SELENOF: variants seen among roughly 807,000 people sequenced by gnomAD.
SELENOF encodes the protein 15 kDa selenoprotein.
SELENOF carries 16 observed loss-of-function variants against 20.5 expected under a neutral mutation model. The observed-to-expected ratio is 0.78, with a 90% CI of 0.53 to 1.19. The LOEUF (loss-of-function observed/expected upper bound fraction) is 1.19, where lower values mean the gene tolerates loss of function less well. Ranked by LOEUF, SELENOF falls within the 50% of genes most tolerant of loss-of-function variation. SELENOF has a pLI of 0.00. For synonymous variants in SELENOF, 78 were observed against 74.5 expected, an observed-to-expected ratio of 1.05 and a Z score of -0.24; for missense variants, 215 against 194.2, an observed-to-expected ratio of 1.11 and a Z score of -0.64.
chr1:86,869,894 C>G (rs1474725198), intron 3 of SELENOF, among the ~76,000 whole-genome samples: 2 of 152,014 alleles, frequency 1.3e-5, no homozygotes, highest in Non-Finnish European at 2.9e-5. Flanking sequence ...CCTGCCTCAG[C>G]CTCCCAAGCA....
Position 86,863,148 on chromosome 1 carries a change from C to T in SELENOF, c.*326G>A, listed in dbSNP as rs183000555. ...GTAATCATCTGTCTTGTTAACCTCT[C>T]TAATTTAGAAATCTGTTGTTCGTAA... On this transcript the variant is annotated 3_prime_UTR_variant, in exon 5 of 5. Coordinates refer to ENST00000331835, the MANE Select transcript of SELENOF (RefSeq NM_004261.5). 7 of 214,118 alleles carry T rather than the reference C, an allele frequency of 3.3e-5. No individual in the cohort carries two copies. The East Asian group carries it at 9.4e-4, about 29-fold the overall frequency. The allele number at this position is 214,118 out of a possible 1,614,324, so 13.3% of individuals were successfully genotyped here.
rs1379888839 is a variant in SELENOF, at chr1:86,899,418, A to AC, written c.252+3862dup. On this transcript the variant is annotated intron_variant, in intron 2 of 4. Coordinates refer to ENST00000331835, the MANE Select transcript of SELENOF (RefSeq NM_004261.5). ...GGACGGCTGGCCGGGCAGGGGGCCG[A>AC]CCCCCCCCACCTCCCTCCCGGACGG... 2.7e-4 allele frequency among the ~76,000 whole-genome samples: 27 copies of AC among 101,548 alleles called. 2 individuals are homozygous for AC. Among genetic ancestry groups the AC allele is most frequent in the South Asian group, 8.9e-4 (3 of 3,372 alleles). The allele number at this position is 101,548 out of a possible 152,430, so 66.6% of individuals were successfully genotyped here.
Position 86,883,498 on chromosome 1 carries a change from CTAAA to C in SELENOF, c.253-2777_253-2774del, listed in dbSNP as rs759401674. On this transcript the variant is annotated intron_variant, in intron 2 of 4. Transcript: ENST00000331835. ...TACACTAGTGTATAGTGTACGTACA[CTAAA>C]TAGTGTATAGTGTACATACATAGTG... 6.6e-4 allele frequency among the ~76,000 whole-genome samples: 100 copies of C among 151,798 alleles called. No homozygotes were observed. In the South Asian group the frequency reaches 8.5e-3, roughly 13 times the overall value.
intron 1 of SELENOF, among the ~76,000 whole-genome samples, chr1:86,906,890 TG>T (rs1249308096): frequency 6.6e-6 from 1 of 152,222 alleles, no homozygotes; most frequent in East Asian, 1.9e-4. Flanking sequence ...CCATAGTTAC[TG>T]AAAGAGGCAA....
chr1:86,912,319 A>G (rs1210976760), intron 1 of SELENOF, among the ~76,000 whole-genome samples: 1 of 152,192 alleles, frequency 6.6e-6, no homozygotes, highest in African/African-American at 2.4e-5. Context: ...ATGACATCCA[A>G]ATTTCTAGTT....
intron 1 of SELENOF, among the ~76,000 whole-genome samples, chr1:86,908,880 A>G (rs1251056319): frequency 6.6e-6 from 1 of 152,276 alleles, no homozygotes; most frequent in African/African-American, 2.4e-5. Context: ...TTATTTAAGC[A>G]TACTCGATGT....
chr1:86,870,390 T>A (rs1658730390), intron 3 of SELENOF, among the ~76,000 whole-genome samples: 1 of 152,328 alleles, frequency 6.6e-6, no homozygotes, highest in South Asian at 2.1e-4. Flanking sequence ...TTCTGCAAAC[T>A]CCTGAATCCC....
At chr1:86,876,826 T>C (rs1658934677) in intron 3 of SELENOF, among the ~76,000 whole-genome samples, 1 of 152,212 alleles carries the variant, frequency 6.6e-6, no homozygotes, top group Non-Finnish European at 1.5e-5. Context: ...GTCACACAAG[T>C]GAAGACAGTT....
At chr1:86,912,572 T>C (rs1002158341) in intron 1 of SELENOF, among the ~76,000 whole-genome samples, 2 of 152,340 alleles carry the variant, frequency 1.3e-5, no homozygotes, top group Admixed American at 1.3e-4. Context: ...GGCAAGGCTT[T>C]AGAAGGCATT....
At chr1:86,880,616 T>C (rs763597963) in intron 3 of SELENOF, 46 bp downstream of exon 3, 1 of 1,070,990 alleles carries the variant, frequency 9.3e-7, no homozygotes, top group South Asian at 1.6e-5. Context: ...ACATAAAATG[T>C]TGATTTTAAA....
chr1:86,903,539 A>G (rs1659757122), intron 1 of SELENOF, 91 bp from the exon 2 acceptor site: 12 of 791,622 alleles, frequency 1.5e-5, no homozygotes, highest in Non-Finnish European at 2.3e-5. Flanking sequence ...AAAAACTAAC[A>G]CATTGAAGAC....
At chr1:86,866,174 G>A (rs1020667243) in intron 4 of SELENOF, among the ~76,000 whole-genome samples, 1 of 140,468 alleles carries the variant, frequency 7.1e-6, no homozygotes, top group Non-Finnish European at 1.5e-5. Context: ...TCCAGCCTGG[G>A]TGACAGAGTA....
chr1:86,888,351 T>TTTTTTATTTCTA (rs1361304018), intron 2 of SELENOF, among the ~76,000 whole-genome samples: 14 of 152,086 alleles, frequency 9.2e-5, no homozygotes, highest in African/African-American at 3.4e-4. Flanking sequence ...AGCCCCTTGG[T>TTTTTTATTTCTA]AATACTAAAA....
At position 86,866,366 on chromosome 1, in the gene SELENOF, A is replaced by T. The variant is rs145512304; in HGVS notation, c.366+1687T>A. ...TAAATCAGTCACAAGGACAAATACT[A>T]TATGATTCCACTCATAGTAAGTATC... On this transcript the variant is annotated intron_variant, in intron 4 of 4. Coordinates refer to ENST00000331835, the MANE Select transcript of SELENOF (RefSeq NM_004261.5). Among the ~76,000 whole-genome samples the T allele has an allele frequency of 3.8e-3, 573 of 151,486 alleles. 4 individuals are homozygous for T. The highest frequency in any genetic ancestry group is 0.02 in the Middle Eastern group (6 of 294).
intron 2 of SELENOF, among the ~76,000 whole-genome samples, chr1:86,886,236 A>G (rs1353780104): frequency 2.0e-5 from 3 of 152,208 alleles, no homozygotes; most frequent in African/African-American, 7.2e-5. Context: ...AGATCCATGC[A>G]TCAGTATTTT....
chr1:86,884,298 G>C (rs1287512720), intron 2 of SELENOF, among the ~76,000 whole-genome samples: 1 of 151,678 alleles, frequency 6.6e-6, no homozygotes, highest in Admixed American at 6.6e-5. Context: ...ATTATTAAAA[G>C]TCAAACTCTA....
At position 86,892,193 on chromosome 1, in the gene SELENOF, C is replaced by A. The variant is rs527740369; in HGVS notation, c.252+11088G>T. Among the ~76,000 whole-genome samples, 16 of 152,206 alleles carry A rather than the reference C, an allele frequency of 1.1e-4. No homozygotes were observed. In the South Asian group the frequency reaches 3.3e-3, roughly 32 times the overall value. On this transcript the variant is annotated intron_variant, in intron 2 of 4. Transcript: ENST00000331835. ...ATGATCCACCCCCCCGGCACGTTGC[C>A]TCCCAAAGTGCTGGGATTACAGGTG...
At chr1:86,898,061 T>C (rs1659572036) in intron 2 of SELENOF, among the ~76,000 whole-genome samples, 1 of 152,226 alleles carries the variant, frequency 6.6e-6, no homozygotes, top group African/African-American at 2.4e-5. Flanking sequence ...ACAAAAACAG[T>C]ACTAAAATTT....
intron 2 of SELENOF, 41 bp from the exon 3 acceptor site, chr1:86,880,766 T>G (rs1263192266): frequency 1.6e-6 from 2 of 1,215,938 alleles, no homozygotes; most frequent in African/African-American, 3.1e-5. Flanking sequence ...CTGGTATAAA[T>G]TAAAAATGTA....
Sources: allele counts gnomAD v4.1 joint callset (sites outside exome capture counted in the v4.1 genomes callset), GRCh38; gene constraint gnomAD v4.1.1; transcripts MANE v1.5; gene names NCBI Gene and HGNC (gene_info 2026-07-23, HGNC 2026-07-21).